Variants in GLDC observed in about 807,000 individuals in gnomAD.
GLDC encodes the protein glycine decarboxylase.
GLDC carries 104 observed loss-of-function variants against 121.3 expected under a neutral mutation model. That is an observed-to-expected ratio of 0.86 (90% CI 0.73 to 1.01). GLDC has a LOEUF of 1.01. Among genes scored for constraint, GLDC ranks in the 50% least tolerant of loss-of-function variants. The pLI is 0.00. For synonymous variants in GLDC, 546 were observed against 480.6 expected, an observed-to-expected ratio of 1.14 and a Z score of -1.78; for missense variants, 1,429 against 1,306.6, an observed-to-expected ratio of 1.09 and a Z score of -1.44.
chr9:6,586,848 G>A (rs564210919), intron 15 of GLDC, among the ~76,000 whole-genome samples: 2 of 152,248 alleles, frequency 1.3e-5, no homozygotes, highest in Middle Eastern at 6.8e-3. Flanking sequence ...TCTGAACCCC[G>A]ACATTGTGCT....
At chr9:6,594,313 C>T (rs1818444426) in intron 9 of GLDC, among the ~76,000 whole-genome samples, 1 of 151,946 alleles carries the variant, frequency 6.6e-6, no homozygotes, top group Non-Finnish European at 1.5e-5. Flanking sequence ...GGTGTTCATC[C>T]TTCTTATGTT....
At position 6,556,200 on chromosome 9, in the gene GLDC, G is replaced by C. The variant is rs1239687858; in HGVS notation, c.2155C>G (p.Gln719Glu). 6.2e-7 allele frequency: 1 copy of C among 1,612,630 alleles called. No homozygotes were observed. The highest frequency in any genetic ancestry group is 2.2e-5 in the East Asian group (1 of 44,874). The change falls in exon 18 of 25, where the codon CAA (glutamine) becomes GAA (glutamate). Residue 719 changes from glutamine (Q) to glutamate (E), a missense_variant. Physicochemically the swap from Gln to Glu is conservative, Grantham distance 29. Transcript: ENST00000321612. ...TCTAGGTAGACCTGTCCTCCATGTT[G>C]ATGGATGAGGTCACACACGTCACTG... ...NISDVCDLIH[Q>E]HGGQVYLDGA...
At chr9:6,579,078 T>C (rs1483610484) in intron 15 of GLDC, among the ~76,000 whole-genome samples, 3 of 152,196 alleles carry the variant, frequency 2.0e-5, no homozygotes, top group Non-Finnish European at 4.4e-5. Flanking sequence ...ATACTATTCC[T>C]TTATAATTCT....
At position 6,594,862 on chromosome 9, in the gene GLDC, A is replaced by T; in HGVS notation, c.1261+152T>A. On this transcript the variant is annotated intron_variant, in intron 9 of 24. Transcript: ENST00000321612. ...GAAAGAGAAAGAAAGAAAGCAAAAC[A>T]ACAAAATAATCATGGATGTTGAAAG... The T allele has an allele frequency of 6.0e-6, 4 of 662,802 alleles. No homozygotes were observed. The South Asian group carries it at 7.3e-5, about 12-fold the overall frequency. The allele number at this position is 662,802 out of a possible 1,614,324, so 41.1% of individuals were successfully genotyped here. A position where few individuals can be genotyped will look rare whatever the true frequency, so the allele number is the denominator to read the frequency against.
At chr9:6,629,929 C>CTATATATATATATGTGTGTATATATATA (rs60994714) in intron 2 of GLDC, among the ~76,000 whole-genome samples, 10 of 102,152 alleles carry the variant, frequency 9.8e-5, no homozygotes, top group South Asian at 3.1e-4. Flanking sequence ...TTGCTTTTCA[C>CTATATATATATATGTGTGTATATATATA]TATATATATA....
intron 11 of GLDC, among the ~76,000 whole-genome samples, chr9:6,589,893 A>G (rs985523194): frequency 6.6e-6 from 1 of 152,040 alleles, no homozygotes; most frequent in Non-Finnish European, 1.5e-5. Flanking sequence ...CGTCTCTACT[A>G]AAAAATACAA....
At chr9:6,539,690 C>G (rs1282139783) in intron 22 of GLDC, among the ~76,000 whole-genome samples, 1 of 152,162 alleles carries the variant, frequency 6.6e-6, no homozygotes, top group Non-Finnish European at 1.5e-5. Flanking sequence ...AACAGCTACG[C>G]CATGACAGAG....
intron 20 of GLDC, among the ~76,000 whole-genome samples, chr9:6,552,835 C>G (rs766656961): frequency 6.6e-6 from 1 of 152,072 alleles, no homozygotes; most frequent in East Asian, 1.9e-4. Flanking sequence ...TGACTAATTA[C>G]GCAGAGAGCA....
At chr9:6,558,169 C>T (rs1817676169) in intron 17 of GLDC, 1 of 391,210 alleles carries the variant, frequency 2.6e-6, no homozygotes, top group Non-Finnish European at 4.6e-6. Context: ...CATGATGGGG[C>T]TGGCACAGTC....
intron 2 of GLDC, among the ~76,000 whole-genome samples, chr9:6,631,856 C>T (rs1333475132): frequency 2.0e-5 from 3 of 152,156 alleles, no homozygotes; most frequent in African/African-American, 7.2e-5. Context: ...GTTTTGAACC[C>T]AGGAGTTTGA....
intron 21 of GLDC, among the ~76,000 whole-genome samples, chr9:6,543,167 T>A (rs1341368353): frequency 6.6e-6 from 1 of 152,038 alleles, no homozygotes; most frequent in Non-Finnish European, 1.5e-5. Context: ...TCCAGCTACT[T>A]GGGAGGCTGA....
rs781050148 is a variant in GLDC at position 6,592,920 on chromosome 9, G to C, written c.1332C>G (p.Cys444Trp). The C allele has an allele frequency of 6.2e-7, 1 of 1,614,010 alleles. No homozygotes were observed. The highest frequency in any genetic ancestry group is 8.5e-7 in the Non-Finnish European group (1 of 1,179,864). ...CCCTGCCCAAGACCTCCTTCACTGAGCAGCCACACTGAATCTTCAAGGTAT... is the reference window on the plus strand; with the variant it reads ...CCCTGCCCAAGACCTCCTTCACTGACCAGCCACACTGAATCTTCAAGGTAT... ...FFDTLKIQCG[C>W]SVKEVLGRAA... The change falls in exon 10 of 25, where the codon TGC (cysteine) becomes TGG (tryptophan). Residue 444 changes from cysteine (C) to tryptophan (W), a missense_variant. Physicochemically the swap from Cys to Trp is radical, Grantham distance 215 (BLOSUM62 -2). Coordinates refer to ENST00000321612, the MANE Select transcript of GLDC (RefSeq NM_000170.3).
At chr9:6,577,577 T>C (rs1818091227) in intron 15 of GLDC, among the ~76,000 whole-genome samples, 1 of 152,194 alleles carries the variant, frequency 6.6e-6, no homozygotes, top group Non-Finnish European at 1.5e-5. Context: ...TGATCAAGGC[T>C]TTAAAAATTT....
chr9:6,604,682 C>T lies in GLDC; in HGVS notation c.964G>A (p.Val322Met). ...IALGSSQRFG[V>M]PLGYGGPHAA... The stretch of plus-strand genomic sequence containing the variant: ...TGGGGTCCCCCATAGCCCAGTGGCA[C>T]TCCAAATCTCTGGGAGCTGCCCAGG... Residue 322 changes from valine (V) to methionine (M), a missense_variant, in exon 7 of 25, where the codon GTG becomes ATG. Physicochemically the swap from Val to Met is conservative, Grantham distance 21. Coordinates refer to ENST00000321612, the MANE Select transcript of GLDC (RefSeq NM_000170.3). The T allele has an allele frequency of 1.2e-6, 2 of 1,614,102 alleles. No homozygotes were observed. Among genetic ancestry groups the T allele is most frequent in the Non-Finnish European group, 1.7e-6 (2 of 1,179,938 alleles).
chr9:6,587,038 C>A, intron 15 of GLDC, 103 bp downstream of exon 15: 1 of 948,534 alleles, frequency 1.1e-6, no homozygotes, highest in South Asian at 1.3e-5. Flanking sequence ...TCTAGCAAGT[C>A]ACAGAATAAC....
intron 8 of GLDC, among the ~76,000 whole-genome samples, chr9:6,599,116 G>A (rs180788929): frequency 2.6e-4 from 40 of 151,252 alleles, no homozygotes; most frequent in Non-Finnish European, 4.1e-4. Context: ...CCCGGAAGAC[G>A]GAGGTTGCAG....
chr9:6,543,415 G>T (rs556542070), intron 21 of GLDC, among the ~76,000 whole-genome samples: 15 of 152,222 alleles, frequency 9.9e-5, no homozygotes, highest in Admixed American at 2.6e-4. Flanking sequence ...TGCTGGCAGC[G>T]CAAGAGGAGA....
intron 2 of GLDC, among the ~76,000 whole-genome samples, chr9:6,630,609 T>C (rs1227669854): frequency 6.6e-6 from 1 of 152,172 alleles, no homozygotes; most frequent in African/African-American, 2.4e-5. Flanking sequence ...AGGGGAAAGC[T>C]GGGGCCAGAA....
chr9:6,571,891 T>G (rs575116169), intron 15 of GLDC, among the ~76,000 whole-genome samples: 1 of 152,078 alleles, frequency 6.6e-6, no homozygotes, highest in Non-Finnish European at 1.5e-5. Context: ...AATCCAGAAA[T>G]AGATCCAAAC....
Sources: gnomAD v4.1 joint callset for allele counts (sites outside exome capture counted in the v4.1 genomes callset) on GRCh38, gnomAD v4.1.1 for gene constraint, MANE v1.5 for transcripts, NCBI Gene and HGNC (gene_info 2026-07-23, HGNC 2026-07-21) for gene names.